TMED2: variants seen among roughly 807,000 people sequenced by gnomAD.
The protein encoded by TMED2 is transmembrane emp24 domain-containing protein 2.
TMED2 carries 3 observed loss-of-function variants against 17.5 expected under a neutral mutation model. The observed-to-expected ratio is 0.17, with a 90% CI of 0.08 to 0.44. The LOEUF (loss-of-function observed/expected upper bound fraction) is 0.44. Ranked by LOEUF, TMED2 falls within the 20% of genes least tolerant of loss-of-function variation. The pLI is 0.99. For synonymous variants in TMED2, 95 were observed against 91.0 expected (o/e 1.04, Z -0.25); for missense variants, 149 against 254.8 (o/e 0.58, Z 2.83).
rs1953446841 is a variant in TMED2 at position 123,598,365 on chromosome 12, G to C, written c.*1636G>C. ...TGATGGATCAGTGCTAAAATCTTAA[G>C]TATTTTTCTATTTGGGAAAAAAGGG... On this transcript the variant is annotated 3_prime_UTR_variant, in exon 4 of 4. Transcript: ENST00000262225. 6.6e-6 allele frequency: 1 copy of C among 152,098 alleles called. No homozygotes were observed. The highest frequency in any genetic ancestry group is 1.5e-5 in the Non-Finnish European group (1 of 68,028). The allele number at this position is 152,098 out of a possible 1,614,324, so 9.4% of individuals were successfully genotyped here. A position where few individuals can be genotyped will look rare whatever the true frequency, so the allele number is the denominator to read the frequency against.
intron 2 of TMED2, among the ~76,000 whole-genome samples, chr12:123,589,463 A>C (rs1410858033): frequency 2.0e-5 from 3 of 152,166 alleles, no homozygotes; most frequent in Non-Finnish European, 4.4e-5. Context: ...CCCTCTCCTC[A>C]GTGTTTTACT....
chr12:123,584,871 G>A (rs2135656557), intron 1 of TMED2, 55 bp downstream of exon 1: 1 of 1,590,626 alleles, frequency 6.3e-7, no homozygotes, highest in African/African-American at 1.3e-5. Flanking sequence ...TCGGGGATTG[G>A]TGGCACCTGG....
In TMED2 at chr12:123,598,206, T is replaced by C. The variant is rs1402267323; in HGVS notation, c.*1477T>C. On this transcript the variant is annotated 3_prime_UTR_variant, in exon 4 of 4. Coordinates refer to ENST00000262225, the MANE Select transcript of TMED2 (RefSeq NM_006815.4). ...TTTACACACCAACTTTCTGTTCTTA[T>C]TTGACATGAGACATGTTCATGTTTT... is the stretch of plus-strand genomic sequence containing the variant. 1 of 152,350 alleles carries C rather than the reference T, an allele frequency of 6.6e-6. No individual in the cohort carries two copies. The highest frequency in any genetic ancestry group is 2.4e-5 in the African/African-American group (1 of 41,440). The allele number at this position is 152,350 out of a possible 1,614,324, so 9.4% of individuals were successfully genotyped here.
At chr12:123,596,271 TACACA>T (rs1485478960) in intron 3 of TMED2, among the ~76,000 whole-genome samples, 2 of 152,242 alleles carry the variant, frequency 1.3e-5, no homozygotes, top group South Asian at 2.1e-4. Flanking sequence ...GTGTATGAGA[TACACA>T]ACACTTTATT....
At chr12:123,593,316 T>C (rs1284402646) in intron 3 of TMED2, among the ~76,000 whole-genome samples, 1 of 151,934 alleles carries the variant, frequency 6.6e-6, no homozygotes, top group African/African-American at 2.4e-5. Flanking sequence ...GCAGTGGTGC[T>C]ATCTCAGCCC....
chr12:123,584,568 G>A lies in TMED2; in HGVS notation c.-69G>A. The A allele has an allele frequency of 5.8e-6, 6 of 1,039,032 alleles. No homozygotes were observed. In the Admixed American group the frequency reaches 1.9e-4, roughly 33 times the overall value. 64.4% of individuals were successfully genotyped at this position (1,039,032 alleles called of 1,614,324 possible). Reference sequence around the variant, plus strand: ...GCGGTGGCTGAGAAGGCAGCGGGGCGGCGGCGGCGGCGGCGGCGGCGGCTG... The same window carrying A: ...GCGGTGGCTGAGAAGGCAGCGGGGCAGCGGCGGCGGCGGCGGCGGCGGCTG... On this transcript the variant is annotated 5_prime_UTR_variant, in exon 1 of 4. Coordinates refer to ENST00000262225, the MANE Select transcript of TMED2 (RefSeq NM_006815.4).
chr12:123,589,852 G>T (rs896196647), intron 2 of TMED2, among the ~76,000 whole-genome samples: 3 of 151,902 alleles, frequency 2.0e-5, no homozygotes, highest in African/African-American at 7.3e-5. Flanking sequence ...AAATAAAATG[G>T]TAGTCAGGCA....
At chr12:123,587,598 A>T (rs1441316993) in intron 2 of TMED2, 1 of 1,278,390 alleles carries the variant, frequency 7.8e-7, no homozygotes, top group Non-Finnish European at 1.0e-6. Flanking sequence ...AAGATATCTT[A>T]ACTTTTCTTT....
chr12:123,593,293 C>T (rs890475817), intron 3 of TMED2, among the ~76,000 whole-genome samples: 1 of 151,870 alleles, frequency 6.6e-6, no homozygotes, highest in African/African-American at 2.4e-5. Flanking sequence ...TGCTCTGTTG[C>T]CCAGGCTGGA....
chr12:123,594,157 T>C (rs1464438143), intron 3 of TMED2, among the ~76,000 whole-genome samples: 2 of 147,626 alleles, frequency 1.4e-5, no homozygotes, highest in Non-Finnish European at 3.0e-5. Context: ...TTTTTTGAGA[T>C]GGAGTCTCGC....
chr12:123,593,002 G>C (rs749044065), intron 3 of TMED2, among the ~76,000 whole-genome samples: 5 of 151,998 alleles, frequency 3.3e-5, no homozygotes, highest in Non-Finnish European at 7.4e-5. Context: ...TCAGTAGTTC[G>C]AGACCAGCCT....
intron 3 of TMED2, among the ~76,000 whole-genome samples, chr12:123,596,403 T>G (rs963009159): frequency 2.0e-5 from 3 of 152,220 alleles, no homozygotes; most frequent in Non-Finnish European, 2.9e-5. Context: ...TTAGGTGTAT[T>G]AAATATATTT....
chr12:123,591,916 T>C (rs751464423), intron 3 of TMED2, among the ~76,000 whole-genome samples: 36 of 152,222 alleles, frequency 2.4e-4, no homozygotes, highest in Non-Finnish European at 4.8e-4. Context: ...GAATCTTTGT[T>C]CTGAGACTGG....
rs145914169 is a variant in TMED2, at chr12:123,586,769, G to T, written c.203G>T (p.Gly68Val). 4 of 1,602,438 alleles carry T rather than the reference G, an allele frequency of 2.5e-6. No individual in the cohort carries two copies. The highest frequency in any genetic ancestry group is 3.4e-6 in the Non-Finnish European group (4 of 1,174,702). ...DVEITGPDNK[G>V]IYKGDRESSG... is the part of the protein sequence containing the mutation. ...CAGATTACAGGACCAGATAACAAAG[G>T]AATTTACAAAGGAGACAGAGAATCC... Residue 68 changes from glycine to valine, a missense_variant, in exon 2 of 4, where the codon GGA becomes GTA. Coordinates refer to ENST00000262225, the MANE Select transcript of TMED2 (RefSeq NM_006815.4).
Position 123,584,617 on chromosome 12 carries a change from G to A in TMED2, c.-20G>A, listed in dbSNP as rs1336119766. On this transcript the variant is annotated 5_prime_UTR_variant, in exon 1 of 4. Coordinates refer to ENST00000262225, the MANE Select transcript of TMED2 (RefSeq NM_006815.4). ...TGTGGAGGCCGCAGTCCGGGTCCTG[G>A]CTTCGGCCTCAGCCCCACCATGGTG... The A allele has an allele frequency of 3.7e-6, 6 of 1,602,738 alleles. No homozygotes were observed. The highest frequency in any genetic ancestry group is 4.2e-6 in the Non-Finnish European group (5 of 1,177,514).
In TMED2 at chr12:123,584,833, C is replaced by T. The variant is rs749412946; in HGVS notation, c.180+17C>T. On this transcript the variant is annotated intron_variant, in intron 1 of 3. Coordinates refer to ENST00000262225, the MANE Select transcript of TMED2 (RefSeq NM_006815.4). ...GACGTGGAGGTGCGGGCTAGCTGCC[C>T]GCAGCTGAGGCTTGGTCGCGTGGCC... The T allele has an allele frequency of 5.0e-6, 8 of 1,605,130 alleles. No individual in the cohort carries two copies. In the African/African-American group the frequency reaches 8.0e-5, roughly 16 times the overall value.
At chr12:123,586,494 G>A (rs1953346849) in intron 1 of TMED2, 1 of 228,852 alleles carries the variant, frequency 4.4e-6, no homozygotes, top group Non-Finnish European at 8.7e-6. Context: ...GGGAATACAG[G>A]CGTGCGCCAC....
chr12:123,595,151 C>T (rs1953421783), intron 3 of TMED2, among the ~76,000 whole-genome samples: 1 of 152,014 alleles, frequency 6.6e-6, no homozygotes, highest in African/African-American at 2.4e-5. Context: ...ATCACTTGAA[C>T]CCAGGAGGCA....
At chr12:123,596,566 G>T (rs200665178) in intron 3 of TMED2, 39 bp from the exon 4 acceptor site, 20 of 1,573,424 alleles carry the variant, frequency 1.3e-5, no homozygotes, top group Non-Finnish European at 1.5e-5. Context: ...TTTTGGGGGA[G>T]AATTGTTAAA....
Sources: gnomAD v4.1 joint callset for allele counts (sites outside exome capture counted in the v4.1 genomes callset) on GRCh38, gnomAD v4.1.1 for gene constraint, MANE v1.5 for transcripts, NCBI Gene and HGNC (gene_info 2026-07-23, HGNC 2026-07-21) for gene names.